Variants in ADGRB3 observed in about 807,000 individuals in gnomAD.
ADGRB3 encodes the protein adhesion G protein-coupled receptor B3.
Under a neutral mutation model 193.4 loss-of-function variants are expected in ADGRB3, and 37 were observed. That is an observed-to-expected ratio of 0.19 (90% CI 0.15 to 0.25). The LOEUF is 0.25. Ranked by LOEUF, ADGRB3 falls within the 10% of genes least tolerant of loss-of-function variation. The pLI is 1.00. For synonymous variants in ADGRB3, 690 were observed against 644.2 expected (o/e 1.07, Z -1.08); for missense variants, 1,637 against 1,852.9 (o/e 0.88, Z 2.14).
At chr6:69,059,452 T>G (rs1249832466) in intron 15 of ADGRB3, among the ~76,000 whole-genome samples, 1 of 152,116 alleles carries the variant, frequency 6.6e-6, no homozygotes, top group East Asian at 1.9e-4. Context: ...CTTAAGACTC[T>G]GCAAAAAAAT....
At chr6:69,073,477 A>C (rs1318865499) in intron 16 of ADGRB3, among the ~76,000 whole-genome samples, 2 of 152,168 alleles carry the variant, frequency 1.3e-5, no homozygotes, top group African/African-American at 4.8e-5. Flanking sequence ...GGTGAGAAAA[A>C]AAAATGGAAT....
chr6:68,852,905 T>C (rs558124185), intron 3 of ADGRB3, among the ~76,000 whole-genome samples: 1 of 152,124 alleles, frequency 6.6e-6, no homozygotes, highest in East Asian at 1.9e-4. Context: ...GAGTTACTTC[T>C]TTAGACTCAA....
chr6:68,841,452 G>T (rs1768157484), intron 3 of ADGRB3, among the ~76,000 whole-genome samples: 1 of 151,904 alleles, frequency 6.6e-6, no homozygotes, highest in Non-Finnish European at 1.5e-5. Flanking sequence ...AATAACAAGA[G>T]GAATTTTTCA....
intron 3 of ADGRB3, among the ~76,000 whole-genome samples, chr6:68,690,041 G>C (rs147727071): frequency 1.3e-3 from 194 of 152,230 alleles, no homozygotes; most frequent in African/African-American, 4.5e-3. Context: ...TGTGGTTATA[G>C]GTGTAAGTGG....
At chr6:68,833,517 A>G (rs1394427455) in intron 3 of ADGRB3, among the ~76,000 whole-genome samples, 1 of 128,540 alleles carries the variant, frequency 7.8e-6, no homozygotes, top group Non-Finnish European at 1.7e-5. Flanking sequence ...CATATTATCA[A>G]GCAGTTAAAA....
chr6:69,042,617 G>A (rs1166138065), intron 13 of ADGRB3, among the ~76,000 whole-genome samples: 1 of 152,164 alleles, frequency 6.6e-6, no homozygotes, highest in Admixed American at 6.5e-5. Context: ...ACAAATAGAT[G>A]CTTTTCTAAC....
chr6:68,937,104 T>C (rs1767506272), intron 5 of ADGRB3, among the ~76,000 whole-genome samples: 1 of 152,218 alleles, frequency 6.6e-6, no homozygotes, highest in African/African-American at 2.4e-5. Context: ...CTATCACTTA[T>C]CTGACCCTAT....
intron 20 of ADGRB3, among the ~76,000 whole-genome samples, chr6:69,281,328 T>C (rs567325163): frequency 6.6e-6 from 1 of 152,298 alleles, no homozygotes; most frequent in African/African-American, 2.4e-5. Context: ...CAAATACTGA[T>C]TCATAGAACA....
At chr6:68,659,013 T>A (rs970712529) in intron 3 of ADGRB3, among the ~76,000 whole-genome samples, 1 of 151,168 alleles carries the variant, frequency 6.6e-6, no homozygotes, top group African/African-American at 2.4e-5. Flanking sequence ...ATTCCCTGGC[T>A]TAGAGAATAT....
chr6:68,660,609 C>G (rs1768605397), intron 3 of ADGRB3, among the ~76,000 whole-genome samples: 1 of 150,832 alleles, frequency 6.6e-6, no homozygotes, highest in Non-Finnish European at 1.5e-5. Context: ...ATATTGTAGG[C>G]TTATTTAATA....
At chr6:69,246,060 A>G (rs1766493024) in intron 20 of ADGRB3, among the ~76,000 whole-genome samples, 1 of 152,108 alleles carries the variant, frequency 6.6e-6, no homozygotes, top group African/African-American at 2.4e-5. Flanking sequence ...TTTTAGCTCT[A>G]AGTGATTGAT....
At chr6:69,063,080 T>C (rs749507101) in intron 16 of ADGRB3, 44 bp downstream of exon 16, 12 of 1,396,844 alleles carry the variant, frequency 8.6e-6, no homozygotes, top group African/African-American at 1.4e-5. Context: ...TGGAATTACC[T>C]TTCTAACAGT....
chr6:68,650,903 T>C (rs1207446839), intron 3 of ADGRB3, among the ~76,000 whole-genome samples: 1 of 152,024 alleles, frequency 6.6e-6, no homozygotes, highest in Non-Finnish European at 1.5e-5. Flanking sequence ...AGCTTTATGA[T>C]TTTTTTTGAA....
chr6:68,663,440 A>G (rs1038297563), intron 3 of ADGRB3, among the ~76,000 whole-genome samples: 1 of 151,674 alleles, frequency 6.6e-6, no homozygotes, highest in African/African-American at 2.4e-5. Context: ...GGAGTTTTAA[A>G]CTTGAGATTA....
intron 8 of ADGRB3, among the ~76,000 whole-genome samples, chr6:68,964,136 C>G (rs1329674788): frequency 6.6e-6 from 1 of 152,138 alleles, no homozygotes; most frequent in Non-Finnish European, 1.5e-5. Context: ...ACATTTCTAT[C>G]ACATATATGA....
chr6:69,173,061 G>A (rs62406810), intron 17 of ADGRB3, among the ~76,000 whole-genome samples: 21,499 of 150,814 alleles, frequency 0.14, 1,574 homozygotes, highest in Middle Eastern at 0.16. Context: ...GTTTTGAGAC[G>A]AAGTCTCACT....
intron 3 of ADGRB3, among the ~76,000 whole-genome samples, chr6:68,816,808 T>G (rs1221096473): frequency 2.6e-5 from 4 of 152,038 alleles, no homozygotes; most frequent in Non-Finnish European, 5.9e-5. Flanking sequence ...AATGGGCAAA[T>G]CAGGAAATCT....
chr6:69,040,377 C>CTTTCTTTCTTT (rs1562133281), intron 13 of ADGRB3, among the ~76,000 whole-genome samples: 1 of 51,730 alleles, frequency 1.9e-5, no homozygotes, highest in East Asian at 1.0e-3. Flanking sequence ...TTCTTTCTTT[C>CTTTCTTTCTTT]CTTCTCTCTC....
chr6:69,197,875 C>T (rs775116358), intron 17 of ADGRB3, among the ~76,000 whole-genome samples: 4 of 152,006 alleles, frequency 2.6e-5, no homozygotes, highest in African/African-American at 7.2e-5. Flanking sequence ...CTTTTCCTCC[C>T]TTTGTGCCTA....
Sources: gnomAD v4.1 joint callset for allele counts (sites outside exome capture counted in the v4.1 genomes callset) on GRCh38, gnomAD v4.1.1 for gene constraint, MANE v1.5 for transcripts, NCBI Gene and HGNC (gene_info 2026-07-23, HGNC 2026-07-21) for gene names.